PDE6G: variants seen among roughly 807,000 people sequenced by gnomAD.
The protein encoded by PDE6G is phosphodiesterase 6G, also known as rod cGMP 3',5'-cyclic phosphodiesterase subunit gamma.
PDE6G carries 10 observed loss-of-function variants against 10.9 expected under a neutral mutation model. That is an observed-to-expected ratio of 0.91 (90% CI 0.56 to 1.55). The LOEUF (loss-of-function observed/expected upper bound fraction) is 1.55. PDE6G is among the 40% of genes most tolerant of loss of function. PDE6G has a pLI of 0.00. For synonymous variants in PDE6G, 41 were observed against 42.8 expected, an observed-to-expected ratio of 0.96 and a Z score of 0.16; for missense variants, 102 against 110.1, an observed-to-expected ratio of 0.93 and a Z score of 0.33.
At position 81,651,091 on chromosome 17, in the gene PDE6G, G is replaced by C; in HGVS notation, c.247C>G (p.Gln83Glu). The C allele has an allele frequency of 6.2e-7, 1 of 1,613,390 alleles. No homozygotes were observed. Among genetic ancestry groups the C allele is most frequent in the Non-Finnish European group, 8.5e-7 (1 of 1,179,336 alleles). Reference protein sequence around the residue: ...FNHLELHELAQYGII With the variant: ...FNHLELHELAEYGII ...GCCTCGTGCTAGATGATGCCATATT[G>C]GGCCAGCTCGTGCAGCTCCAGGTGG... Residue 83 changes from glutamine to glutamate, a missense_variant, in exon 4 of 4, where the codon CAA becomes GAA. Physicochemically the swap from Gln to Glu is conservative, Grantham distance 29. Transcript: ENST00000331056. The surrounding 1 kb of genome is among the most constrained non-coding windows in gnomAD (Gnocchi z 4.8).
intron 1 of PDE6G, chr17:81,662,956 G>C (rs574699560): frequency 6.6e-6 from 1 of 152,246 alleles, no homozygotes; most frequent in South Asian, 2.1e-4. Flanking sequence ...TAAGCAGTCC[G>C]CGGACTTGCT....
chr17:81,659,151 CTTTT>C (rs779928637), upstream of PDE6G, among the ~76,000 whole-genome samples: 1 of 114,692 alleles, frequency 8.7e-6, no homozygotes, highest in Admixed American at 1.0e-4. Context: ...CAATCCATAT[CTTTT>C]TTTTTTTTTT....
chr17:81,657,287 G>A (rs1429942148), upstream of PDE6G, among the ~76,000 whole-genome samples: 1 of 152,220 alleles, frequency 6.6e-6, no homozygotes, highest in Non-Finnish European at 1.5e-5. Context: ...GCTGAGGACT[G>A]GCCTCTGACC....
In PDE6G at chr17:81,651,184, TC is replaced by T; in HGVS notation, c.188-35del. 2 of 1,515,416 alleles carry T rather than the reference TC, an allele frequency of 1.3e-6. No homozygotes were observed. Among genetic ancestry groups the T allele is most frequent in the Non-Finnish European group, 1.8e-6 (2 of 1,090,444 alleles). The allele number at this position is 1,515,416 out of a possible 1,614,324, so 93.9% of individuals were successfully genotyped here. ...GAAACGGGCCACGGATCAGAGAGGA[TC>T]CCACGGCCTAGGGACCCCCCCATCC... On this transcript the variant is annotated intron_variant, in intron 3 of 3. Coordinates refer to ENST00000331056, the MANE Select transcript of PDE6G (RefSeq NM_002602.4). This position sits in a 1 kb window ranked among gnomAD's most constrained non-coding sequence, Gnocchi z 4.8.
intron 1 of PDE6G, among the ~76,000 whole-genome samples, chr17:81,654,379 C>CTTTTTTT (rs11431043): frequency 7.8e-6 from 1 of 128,444 alleles, no homozygotes; most frequent in Non-Finnish European, 1.6e-5. Flanking sequence ...CCCTCTGATT[C>CTTTTTTT]TTTTTTTTTT....
chr17:81,652,542 G>C (rs1051782855), intron 2 of PDE6G, among the ~76,000 whole-genome samples: 4 of 151,920 alleles, frequency 2.6e-5, no homozygotes, highest in African/African-American at 7.3e-5. Context: ...CTCCCAAAGT[G>C]CTGGGATTAC....
At chr17:81,657,422 T>C (rs2036461133), upstream of PDE6G, among the ~76,000 whole-genome samples, 1 of 152,224 alleles carries the variant, frequency 6.6e-6, no homozygotes. Context: ...CCCAAAGTTT[T>C]AGACAAAGAT....
upstream of PDE6G, among the ~76,000 whole-genome samples, chr17:81,659,227 G>A (rs992991209): frequency 2.7e-5 from 4 of 145,776 alleles, no homozygotes; most frequent in South Asian, 2.1e-4. Context: ...GTGAAATATC[G>A]GTGGCTGCAG....
Position 81,651,576 on chromosome 17 carries a change from C to T in PDE6G, c.187+69G>A, listed in dbSNP as rs893498688. 168 of 1,476,122 alleles carry T rather than the reference C, an allele frequency of 1.1e-4. No homozygotes were observed. The highest frequency in any genetic ancestry group is 1.7e-4 in the Admixed American group (10 of 59,678). 91.4% of individuals were successfully genotyped at this position (1,476,122 alleles called of 1,614,324 possible). On this transcript the variant is annotated intron_variant, in intron 3 of 3. Coordinates refer to ENST00000331056, the MANE Select transcript of PDE6G (RefSeq NM_002602.4). This position sits in a 1 kb window ranked among gnomAD's most constrained non-coding sequence, Gnocchi z 4.8. Reference sequence around the variant, plus strand: ...GGGGGCCGAGGTGGGCTGCAATGGGCCCCGGGCGTGCTGGGTGTGCCTGGG... The same window carrying T: ...GGGGGCCGAGGTGGGCTGCAATGGGTCCCGGGCGTGCTGGGTGTGCCTGGG...
At position 81,651,164 on chromosome 17, in the gene PDE6G, G is replaced by A. The variant is rs368640487; in HGVS notation, c.188-14C>T. 1.4e-5 allele frequency: 22 copies of A among 1,603,592 alleles called. No individual in the cohort carries two copies. Among genetic ancestry groups the A allele is most frequent in the Admixed American group, 3.3e-5 (2 of 59,986 alleles). On this transcript the variant is annotated splice_polypyrimidine_tract_variant and intron_variant, in intron 3 of 3. Transcript: ENST00000331056. This position sits in a 1 kb window ranked among gnomAD's most constrained non-coding sequence, Gnocchi z 4.8. ...TGACTGTGATGTCTGTGGGAGAAAC[G>A]GGCCACGGATCAGAGAGGATCCCAC...
Position 81,651,042 on chromosome 17 carries a change from G to A in PDE6G, c.*32C>T, listed in dbSNP as rs368079405. 2 of 1,504,120 alleles carry A rather than the reference G, an allele frequency of 1.3e-6. No homozygotes were observed. The highest frequency in any genetic ancestry group is 2.3e-5 in the East Asian group (1 of 44,356). 93.2% of individuals were successfully genotyped at this position (1,504,120 alleles called of 1,614,324 possible). A position where few individuals can be genotyped will look rare whatever the true frequency, so the allele number is the denominator to read the frequency against. On this transcript the variant is annotated 3_prime_UTR_variant, in exon 4 of 4. Transcript: ENST00000331056. The surrounding 1 kb of genome is among the most constrained non-coding windows in gnomAD (Gnocchi z 4.8). ...GGGTTTAGAGCACAGTGGGCAGGAGGGGGAGGGTCTGGACTTCAGCAGGGC... is the reference window on the plus strand; with the variant it reads ...GGGTTTAGAGCACAGTGGGCAGGAGAGGGAGGGTCTGGACTTCAGCAGGGC...
rs1491457652 is a variant in PDE6G, at chr17:81,654,377, TTC to T, written c.-59-1015_-59-1014del. ...CGTCTCCCGGGCTGTTGCCCTCTGA[TTC>T]TTTTTTTTTTTTTTTTTTGAGACAG... On this transcript the variant is annotated intron_variant, in intron 1 of 3. Transcript: ENST00000331056. Among the ~76,000 whole-genome samples the T allele has an allele frequency of 2.2e-3, 270 of 123,288 alleles. 1 individual carries two copies. The highest frequency in any genetic ancestry group is 8.3e-3 in the African/African-American group (253 of 30,374). 80.9% of individuals were successfully genotyped at this position (123,288 alleles called of 152,430 possible). A position where few individuals can be genotyped will look rare whatever the true frequency, so the allele number is the denominator to read the frequency against.
intron 1 of PDE6G, 79 bp downstream of exon 1, chr17:81,656,414 T>C: frequency 1.4e-6 from 1 of 708,776 alleles, no homozygotes. Flanking sequence ...CCTCTGCCCC[T>C]TGGGTGATGA....
rs762125725 is a variant in PDE6G at position 81,653,292 on chromosome 17, G to A, written c.14C>T (p.Pro5Leu). Residue 5 changes from proline (P) to leucine (L), a missense_variant, in exon 2 of 4, where the codon CCG becomes CTG. By Grantham distance (98) the Pro-to-Leu change is moderately conservative. Coordinates refer to ENST00000331056, the MANE Select transcript of PDE6G (RefSeq NM_002602.4). The surrounding 1 kb of genome is among the most constrained non-coding windows in gnomAD (Gnocchi z 5.2). MNLE[P>L]PKAEFRSATR... Reference sequence around the variant, plus strand: ...GGCTGACCGGAACTCAGCCTTGGGCGGTTCCAGGTTCATGGTGAGGCTGAC... The same window carrying A: ...GGCTGACCGGAACTCAGCCTTGGGCAGTTCCAGGTTCATGGTGAGGCTGAC... The A allele has an allele frequency of 3.9e-5, 63 of 1,613,384 alleles. No individual in the cohort carries two copies. Among genetic ancestry groups the A allele is most frequent in the Middle Eastern group, 1.6e-4 (1 of 6,080 alleles).
rs1327321419 is a variant in PDE6G at position 81,651,525 on chromosome 17, G to T, written c.187+120C>A. On this transcript the variant is annotated intron_variant, in intron 3 of 3. Coordinates refer to ENST00000331056, the MANE Select transcript of PDE6G (RefSeq NM_002602.4). This position sits in a 1 kb window ranked among gnomAD's most constrained non-coding sequence, Gnocchi z 4.8. ...GGAAGAAGTGATGGACAGGCTGGGG[G>T]TCCCTAAGTGAAAAGCAGGGGAGGT... is the stretch of plus-strand genomic sequence containing the variant. 1.2e-6 allele frequency: 1 copy of T among 840,110 alleles called. No individual in the cohort carries two copies. Among genetic ancestry groups the T allele is most frequent in the Non-Finnish European group, 2.0e-6 (1 of 492,518 alleles). 52.0% of individuals were successfully genotyped at this position (840,110 alleles called of 1,614,324 possible).
At chr17:81,662,527 G>A (rs544433530) in intron 1 of PDE6G, among the ~76,000 whole-genome samples, 1 of 152,208 alleles carries the variant, frequency 6.6e-6, no homozygotes, top group East Asian at 1.9e-4. Context: ...GGAGACTGAG[G>A]CAGGAGAATC....
chr17:81,655,433 C>T (rs868318648), intron 1 of PDE6G, among the ~76,000 whole-genome samples: 2 of 152,262 alleles, frequency 1.3e-5, no homozygotes, highest in African/African-American at 2.4e-5. Flanking sequence ...CAGGGTCACC[C>T]GCCTGGCGTG....
intron 2 of PDE6G, among the ~76,000 whole-genome samples, chr17:81,652,239 T>C (rs2036369935): frequency 1.3e-5 from 2 of 152,148 alleles, no homozygotes; most frequent in Non-Finnish European, 2.9e-5. Flanking sequence ...CACTCCTCGG[T>C]GCATTGTGCC....
chr17:81,652,802 G>A (rs2036382294), intron 2 of PDE6G, among the ~76,000 whole-genome samples: 1 of 45,866 alleles, frequency 2.2e-5, no homozygotes, highest in South Asian at 1.6e-3. Flanking sequence ...TCAAACTCGC[G>A]ATCCTAGGGG....
Sources: allele counts gnomAD v4.1 joint callset (sites outside exome capture counted in the v4.1 genomes callset), GRCh38; gene constraint gnomAD v4.1.1; non-coding constraint Gnocchi (gnomAD v3.1); transcripts MANE v1.5; gene names NCBI Gene and HGNC (gene_info 2026-07-23, HGNC 2026-07-21).